Variants in OAS3 observed in about 807,000 individuals in gnomAD.
The protein encoded by OAS3 is 2'-5'-oligoadenylate synthase 3.
In OAS3, 107 loss-of-function variants were observed where a neutral mutation model predicts 113.0. The observed-to-expected ratio is 0.95, with a 90% CI of 0.81 to 1.11. The LOEUF (loss-of-function observed/expected upper bound fraction) is 1.11, where lower values mean the gene tolerates loss of function less well. OAS3 is among the 50% of genes most tolerant of loss of function. The pLI is 0.00. For missense variants in OAS3, 1,258 were observed against 1,389.1 expected (o/e 0.91, Z 1.50); for synonymous variants, 552 against 573.6 (o/e 0.96, Z 0.54).
intron 3 of OAS3, chr12:112,945,065 A>G (rs1422207931): frequency 3.5e-6 from 1 of 286,146 alleles, no homozygotes; most frequent in African/African-American, 2.2e-5. Flanking sequence ...GAATCCCAGC[A>G]CTTTGAGTGG....
chr12:112,965,060 C>T (rs1156962972), intron 11 of OAS3, among the ~76,000 whole-genome samples: 1 of 152,166 alleles, frequency 6.6e-6, no homozygotes, highest in Non-Finnish European at 1.5e-5. Context: ...GGAAAGGACG[C>T]TGGGGGTGTA....
chr12:112,969,738 C>T lies in OAS3; in HGVS notation c.3235C>T (p.Gln1079Ter). 1.9e-6 allele frequency: 3 copies of T among 1,613,086 alleles called. No individual in the cohort carries two copies. Among genetic ancestry groups the T allele is most frequent in the Non-Finnish European group, 2.5e-6 (3 of 1,179,542 alleles). ...CATGGGACGGAATGGCATCCCCATC[C>T]AGCCATGGCCAGTGAAGGTGAGAGA... Reference protein sequence around the residue: ...CCMGRNGIPIQPWPVKAAV With the variant: ...CCMGRNGIPI The change falls in exon 15 of 16, where the codon CAG becomes TAG. Residue 1079 changes from glutamine to a stop codon, truncating the protein, a stop_gained. Coordinates refer to ENST00000228928, the MANE Select transcript of OAS3 (RefSeq NM_006187.4). LOFTEE classifies it high-confidence loss of function.
rs1490607109 is a variant in OAS3 at position 112,948,855 on chromosome 12, T to C, written c.1030-6T>C. The C allele has an allele frequency of 1.3e-6, 2 of 1,555,400 alleles. No homozygotes were observed. Among genetic ancestry groups the C allele is most frequent in the Non-Finnish European group, 1.7e-6 (2 of 1,147,812 alleles). ...GGCTGAGGCAGCTCCTTCAATGACC[T>C]TCCAGGGCCTTCCACGTGCTGGATG... On this transcript the variant is annotated splice_polypyrimidine_tract_variant and splice_region_variant and intron_variant, in intron 5 of 15. Coordinates refer to ENST00000228928, the MANE Select transcript of OAS3 (RefSeq NM_006187.4).
rs1435620877 is a variant in OAS3, at chr12:112,971,017, C to T, written c.*1044C>T. On this transcript the variant is annotated 3_prime_UTR_variant, in exon 16 of 16. Coordinates refer to ENST00000228928, the MANE Select transcript of OAS3 (RefSeq NM_006187.4). Reference sequence around the variant, plus strand: ...TCTCTCTGCCCTCTAGAGCAAGGCCCACCAGGTCCATCCAGGAGGCTCTCC... The same window carrying T: ...TCTCTCTGCCCTCTAGAGCAAGGCCTACCAGGTCCATCCAGGAGGCTCTCC... The T allele has an allele frequency of 6.6e-6, 1 of 152,332 alleles. No homozygotes were observed. Among genetic ancestry groups the T allele is most frequent in the Non-Finnish European group, 1.5e-5 (1 of 68,134 alleles). 9.4% of individuals were successfully genotyped at this position (152,332 alleles called of 1,614,324 possible). A position where few individuals can be genotyped will look rare whatever the true frequency, so the allele number is the denominator to read the frequency against.
chr12:112,941,476 C>T, intron 1 of OAS3, 94 bp from the exon 2 acceptor site: 1 of 1,397,132 alleles, frequency 7.2e-7, no homozygotes, highest in Non-Finnish European at 9.9e-7. Context: ...CACAGTCTCT[C>T]CCCAGCACAC....
In OAS3 at chr12:112,963,554, G is replaced by A; in HGVS notation, c.2229+97G>A. The A allele has an allele frequency of 7.9e-7, 1 of 1,271,254 alleles. No homozygotes were observed. The highest frequency in any genetic ancestry group is 1.9e-5 in the South Asian group (1 of 52,188). 78.7% of individuals were successfully genotyped at this position (1,271,254 alleles called of 1,614,324 possible). A position where few individuals can be genotyped will look rare whatever the true frequency, so the allele number is the denominator to read the frequency against. ...GTGCACCCATCCCCAGCTGCTAGGA[G>A]TGTTGGTGGCTGACAACTCATAGCC... is the stretch of plus-strand genomic sequence containing the variant. On this transcript the variant is annotated intron_variant, in intron 10 of 15. Transcript: ENST00000228928. The surrounding 1 kb of genome is among the most constrained non-coding windows in gnomAD (Gnocchi z 4.6).
intron 2 of OAS3, among the ~76,000 whole-genome samples, chr12:112,943,688 G>A (rs1478600571): frequency 6.6e-6 from 1 of 152,110 alleles, no homozygotes; most frequent in Admixed American, 6.5e-5. Flanking sequence ...AAGACCTTCT[G>A]TCCAGTGCCC....
At chr12:112,962,627 C>G (rs754248517) in intron 8 of OAS3, 25 bp from the exon 9 acceptor site, 1 of 1,608,230 alleles carries the variant, frequency 6.2e-7, no homozygotes, top group South Asian at 1.1e-5. Context: ...AATCACTCAT[C>G]TTTGGTTGGC....
At chr12:112,967,905 G>A in intron 13 of OAS3, 31 bp from the exon 14 acceptor site, 1 of 1,601,886 alleles carries the variant, frequency 6.2e-7, no homozygotes, top group Admixed American at 1.7e-5. Context: ...GTGCCAATAT[G>A]AACCAACATA....
chr12:112,947,122 C>CTTTTTTTTTTTT, intron 4 of OAS3, 141 bp downstream of exon 4: 1 of 660,840 alleles, frequency 1.5e-6, no homozygotes, highest in Non-Finnish European at 2.6e-6. Flanking sequence ...TTTTAATTCA[C>CTTTTTTTTTTTT]TGGACTCAGC....
rs767848037 is a variant in OAS3 at position 112,965,908 on chromosome 12, C to T, written c.2568C>T (p.Phe856=). 26 of 1,613,604 alleles carry T rather than the reference C, an allele frequency of 1.6e-5. No homozygotes were observed. The highest frequency in any genetic ancestry group is 8.0e-5 in the African/African-American group (6 of 75,056). The part of the protein sequence containing the change: ...QLEACQQERQ[F]EVKFEVSKWE... The stretch of plus-strand genomic sequence containing the variant: ...AGGCATGTCAACAGGAGCGGCAGTT[C>T]GAGGTCAAGTTTGAAGTCTCCAAAT... The change falls in exon 12 of 16, where the codon TTC becomes TTT. Residue 856 remains phenylalanine, a synonymous_variant. Transcript: ENST00000228928.
chr12:112,938,760 C>T, intron 1 of OAS3, 53 bp downstream of exon 1: 2 of 1,307,256 alleles, frequency 1.5e-6, no homozygotes, highest in East Asian at 2.8e-5. Flanking sequence ...CCTGGGAGGA[C>T]GCTTAAGCCT....
Position 112,950,971 on chromosome 12 carries a change from T to C in OAS3, c.1653T>C (p.Ala551=). 4 of 1,612,386 alleles carry C rather than the reference T, an allele frequency of 2.5e-6. No homozygotes were observed. The highest frequency in any genetic ancestry group is 2.2e-5 in the South Asian group (2 of 91,046). Residue 551 remains alanine, a synonymous_variant, in exon 7 of 16, where the codon GCT becomes GCC. Coordinates refer to ENST00000228928, the MANE Select transcript of OAS3 (RefSeq NM_006187.4). ...TDVSLLPAFD[A]VGQLSSGTKP... ...TTAGCCTGCTGCCTGCCTTCGATGC[T>C]GTGGGTGAGGGCGCCCAGCCTGTCC...
In OAS3 at chr12:112,964,231, G is replaced by A; in HGVS notation, c.2230-4G>A. On this transcript the variant is annotated splice_region_variant and splice_polypyrimidine_tract_variant and intron_variant, in intron 10 of 15. Coordinates refer to ENST00000228928, the MANE Select transcript of OAS3 (RefSeq NM_006187.4). The stretch of plus-strand genomic sequence containing the variant: ...AGCTGGCCCCACCTGGATTCTCTCT[G>A]CAGCCAGCCCTCCTTTACCAAACCC... 6.3e-7 allele frequency: 1 copy of A among 1,580,184 alleles called. No homozygotes were observed. The highest frequency in any genetic ancestry group is 8.6e-7 in the Non-Finnish European group (1 of 1,162,576).
chr12:112,966,782 C>T (rs2043937609), intron 12 of OAS3, among the ~76,000 whole-genome samples: 1 of 152,146 alleles, frequency 6.6e-6, no homozygotes, highest in African/African-American at 2.4e-5. Context: ...ACTGGGACTA[C>T]AGGTGCACAC....
chr12:112,938,488 C>G lies in OAS3; in HGVS notation c.-43C>G, dbSNP rs774407336. The G allele has an allele frequency of 6.7e-7, 1 of 1,497,170 alleles. No homozygotes were observed. Among genetic ancestry groups the G allele is most frequent in the Non-Finnish European group, 8.9e-7 (1 of 1,124,892 alleles). The allele number at this position is 1,497,170 out of a possible 1,614,324, so 92.7% of individuals were successfully genotyped here. The stretch of plus-strand genomic sequence containing the variant: ...AAAACGAAACCAGAAATCCGAAGGC[C>G]GCGCCAGAGCCCTGCTTCCCCTTGC... On this transcript the variant is annotated 5_prime_UTR_variant, in exon 1 of 16. Transcript: ENST00000228928.
chr12:112,968,619 A>G lies in OAS3; in HGVS notation c.3104+445A>G, dbSNP rs978277123. ...ACCCTCCGCCTCCCGGGTTCAAGCA[A>G]TTCTTCTGCCTCAGCCTCCTGAGTA... On this transcript the variant is annotated intron_variant, in intron 14 of 15. Coordinates refer to ENST00000228928, the MANE Select transcript of OAS3 (RefSeq NM_006187.4). Among the ~76,000 whole-genome samples the G allele has an allele frequency of 1.8e-4, 28 of 152,146 alleles. 1 individual carries two copies. The highest frequency in any genetic ancestry group is 4.0e-4 in the Non-Finnish European group (27 of 68,020).
chr12:112,965,804 T>C lies in OAS3; in HGVS notation c.2464T>C (p.Phe822Leu). Residue 822 changes from phenylalanine (F) to leucine (L), a missense_variant, in exon 12 of 16, where the codon TTC becomes CTC. By Grantham distance (22) the Phe-to-Leu change is conservative. Transcript: ENST00000228928. The part of the protein sequence containing the change: ...RGRSDADLVV[F>L]LSCFSQFTEQ... ...CCGCTCAGATGCCGACCTCGTGGTG[T>C]TCCTCAGCTGCTTCAGCCAGTTCAC... 6.2e-7 allele frequency: 1 copy of C among 1,613,800 alleles called. No homozygotes were observed. Among genetic ancestry groups the C allele is most frequent in the South Asian group, 1.1e-5 (1 of 91,028 alleles).
intron 1 of OAS3, 35 bp downstream of exon 1, chr12:112,938,742 A>AGGGCAAC: frequency 6.8e-7 from 1 of 1,475,752 alleles, no homozygotes; most frequent in Non-Finnish European, 9.0e-7. Context: ...ATGTGTCCAA[A>AGGGCAAC]GGGGAGTCCT....
Sources: allele counts gnomAD v4.1 joint callset (sites outside exome capture counted in the v4.1 genomes callset), GRCh38; gene constraint gnomAD v4.1.1; non-coding constraint Gnocchi (gnomAD v3.1); transcripts MANE v1.5; gene names NCBI Gene and HGNC (gene_info 2026-07-23, HGNC 2026-07-21).